The following SNTG2 variants were observed in gnomAD, a reference collection of about 807,000 sequenced individuals.
The protein encoded by SNTG2 is syntrophin gamma 2.
A neutral mutation model predicts 70.9 loss-of-function variants in SNTG2; 74 were observed. That is an observed-to-expected ratio of 1.04 (90% CI 0.86 to 1.27). SNTG2 has a LOEUF of 1.27. Among genes scored for constraint, SNTG2 ranks in the 50% most tolerant of loss-of-function variants. The pLI is 0.00. For synonymous variants in SNTG2, 278 were observed against 273.8 expected, an observed-to-expected ratio of 1.02 and a Z score of -0.15; for missense variants, 717 against 690.7, an observed-to-expected ratio of 1.04 and a Z score of -0.43.
At chr2:1,216,640 C>A (rs1003673254) in intron 9 of SNTG2, among the ~76,000 whole-genome samples, 2 of 152,174 alleles carry the variant, frequency 1.3e-5, no homozygotes, top group Non-Finnish European at 2.9e-5. Context: ...TTGTCCAGGG[C>A]CCATTCAGCA....
chr2:1,196,950 G>C (rs1672946226), intron 8 of SNTG2, among the ~76,000 whole-genome samples: 1 of 152,056 alleles, frequency 6.6e-6, no homozygotes, highest in Non-Finnish European at 1.5e-5. Context: ...AAAACTCATT[G>C]GTAGAGCAGA....
At chr2:1,050,775 C>T (rs1422657056) in intron 1 of SNTG2, among the ~76,000 whole-genome samples, 2 of 152,162 alleles carry the variant, frequency 1.3e-5, no homozygotes, top group African/African-American at 4.8e-5. Flanking sequence ...GAAGTGACAA[C>T]TTGAAAATAA....
intron 1 of SNTG2, among the ~76,000 whole-genome samples, chr2:1,042,940 C>T (rs1661522887): frequency 6.6e-6 from 1 of 152,144 alleles, no homozygotes. Flanking sequence ...CTTAAGAAAT[C>T]TACAGACTAC....
In SNTG2 at chr2:1,025,438, G is replaced by C. The variant is rs137898017; in HGVS notation, c.73-58080G>C. Among the ~76,000 whole-genome samples the C allele has an allele frequency of 5.1e-3, 770 of 152,288 alleles. 6 individuals carry two copies. Among genetic ancestry groups the C allele is most frequent in the Admixed American group, 1.0e-2 (153 of 15,304 alleles). Reference sequence around the variant, plus strand: ...GGGGGATTCGCTTCCCATGGCTGCTGTTTTTTACTGCAGAGCACAAACTTA... The same window carrying C: ...GGGGGATTCGCTTCCCATGGCTGCTCTTTTTTACTGCAGAGCACAAACTTA... On this transcript the variant is annotated intron_variant, in intron 1 of 16. Coordinates refer to ENST00000308624, the MANE Select transcript of SNTG2 (RefSeq NM_018968.4).
rs114431775 is a variant in SNTG2, at chr2:982,961, A to G, written c.72+31893A>G. The stretch of plus-strand genomic sequence containing the variant: ...TCTCTTCCATAGAAGCTGCGGAGGT[A>G]GTGGTCAGGATGAAGCAGAAGCTGC... On this transcript the variant is annotated intron_variant, in intron 1 of 16. Coordinates refer to ENST00000308624, the MANE Select transcript of SNTG2 (RefSeq NM_018968.4). 4.8e-3 allele frequency among the ~76,000 whole-genome samples: 711 copies of G among 149,566 alleles called. 4 individuals are homozygous for G. Among genetic ancestry groups the G allele is most frequent in the Admixed American group, 0.011 (163 of 15,066 alleles).
intron 8 of SNTG2, among the ~76,000 whole-genome samples, chr2:1,182,631 A>G (rs112617421): frequency 6.6e-5 from 10 of 152,236 alleles, no homozygotes; most frequent in South Asian, 2.1e-4. Context: ...TTGATGTACA[A>G]GGTGCCTGCA....
chr2:1,028,805 T>C (rs920850078), intron 1 of SNTG2, among the ~76,000 whole-genome samples: 2 of 151,958 alleles, frequency 1.3e-5, no homozygotes, highest in Non-Finnish European at 2.9e-5. Context: ...CACCCTGCGC[T>C]TCTAAGCAGG....
chr2:1,296,329 A>T (rs1031935370), intron 14 of SNTG2, among the ~76,000 whole-genome samples: 1 of 152,244 alleles, frequency 6.6e-6, no homozygotes, highest in African/African-American at 2.4e-5. Flanking sequence ...TTTGATTTTT[A>T]TAAAACTTAT....
chr2:985,435 A>G (rs1661273140), intron 1 of SNTG2, among the ~76,000 whole-genome samples: 1 of 152,116 alleles, frequency 6.6e-6, no homozygotes. Context: ...AGGAAGTGGA[A>G]AAACCAGACC....
intron 9 of SNTG2, among the ~76,000 whole-genome samples, chr2:1,211,619 A>G (rs1289547285): frequency 2.6e-5 from 4 of 152,208 alleles, no homozygotes; most frequent in African/African-American, 9.6e-5. Flanking sequence ...GAGCAAAGGC[A>G]TGTCTTACAT....
intron 4 of SNTG2, among the ~76,000 whole-genome samples, chr2:1,128,509 C>A (rs958144457): frequency 2.0e-5 from 3 of 152,126 alleles, no homozygotes; most frequent in African/African-American, 4.8e-5. Context: ...TCATAACTTT[C>A]ATTATTTCTC....
At chr2:1,104,957 C>T (rs1264166496) in intron 4 of SNTG2, among the ~76,000 whole-genome samples, 1 of 152,188 alleles carries the variant, frequency 6.6e-6, no homozygotes, top group Non-Finnish European at 1.5e-5. Context: ...GGCACCACCC[C>T]TGAAGAAGCA....
At chr2:1,361,603 C>T (rs1346650881) in intron 16 of SNTG2, among the ~76,000 whole-genome samples, 1 of 152,128 alleles carries the variant, frequency 6.6e-6, no homozygotes. Flanking sequence ...TGAAAGTCAC[C>T]GACGCTGAGC....
At chr2:1,222,001 G>C (rs1553362028) in intron 9 of SNTG2, among the ~76,000 whole-genome samples, 2 of 3,970 alleles carry the variant, frequency 5.0e-4, no homozygotes, top group Non-Finnish European at 1.5e-3. Flanking sequence ...CTCTGTCTCT[G>C]TCTCTCTCTG....
intron 9 of SNTG2, among the ~76,000 whole-genome samples, chr2:1,218,519 G>A (rs572710134): frequency 1.5e-4 from 23 of 152,318 alleles, no homozygotes; most frequent in South Asian, 4.1e-4. Flanking sequence ...ACATGGTACC[G>A]TTGGACAAAG....
At chr2:1,061,810 C>G (rs1371060442) in intron 1 of SNTG2, among the ~76,000 whole-genome samples, 1 of 152,020 alleles carries the variant, frequency 6.6e-6, no homozygotes, top group Non-Finnish European at 1.5e-5. Flanking sequence ...TGTCAGGTGT[C>G]AATGATCAGG....
chr2:1,199,035 G>A (rs2147962428), intron 8 of SNTG2, among the ~76,000 whole-genome samples: 1 of 151,618 alleles, frequency 6.6e-6, no homozygotes, highest in South Asian at 2.1e-4. Flanking sequence ...ATTCTACAAT[G>A]CCAGCATTAC....
chr2:1,135,330 T>C (rs1161143498), intron 4 of SNTG2, among the ~76,000 whole-genome samples: 3 of 151,566 alleles, frequency 2.0e-5, no homozygotes, highest in African/African-American at 4.9e-5. Flanking sequence ...CACTTTTTGC[T>C]TTAGGTTAGA....
chr2:1,273,691 C>A (rs1679151832), intron 14 of SNTG2, among the ~76,000 whole-genome samples: 1 of 150,358 alleles, frequency 6.7e-6, no homozygotes, highest in South Asian at 2.1e-4. Context: ...AATATAAGTA[C>A]AAAACTATAA....
Sources: allele counts gnomAD v4.1 joint callset (sites outside exome capture counted in the v4.1 genomes callset), GRCh38; gene constraint gnomAD v4.1.1; transcripts MANE v1.5; gene names NCBI Gene and HGNC (gene_info 2026-07-23, HGNC 2026-07-21).